Variants in SLX4IP observed in about 807,000 individuals in gnomAD.
SLX4IP encodes the protein protein SLX4IP.
A neutral mutation model predicts 32.9 loss-of-function variants in SLX4IP; 34 were observed. The ratio of observed to expected loss-of-function variants is 1.03; its 90% CI spans 0.79 to 1.38. The LOEUF is 1.38. Ranked by LOEUF, SLX4IP falls within the 40% of genes most tolerant of loss-of-function variation. The probability of loss-of-function intolerance (pLI) is 0.00; values close to 1 mark genes in which losing one functional copy is unlikely to be tolerated. For synonymous variants in SLX4IP, 172 were observed against 171.7 expected (o/e 1.00, Z -0.01); for missense variants, 444 against 479.0 (o/e 0.93, Z 0.68).
intron 2 of SLX4IP, among the ~76,000 whole-genome samples, chr20:10,523,386 A>T (rs551670883): frequency 1.3e-5 from 2 of 152,320 alleles, no homozygotes; most frequent in South Asian, 4.1e-4. Context: ...TTTTCATGAT[A>T]ATTATTAAAT....
Position 10,591,835 on chromosome 20 carries a change from A to T in SLX4IP, c.239-6840A>T, listed in dbSNP as rs576764710. On this transcript the variant is annotated intron_variant, in intron 4 of 7. Transcript: ENST00000334534. ...CATGGGGAAGAAATCTGAAGTGATC[A>T]TTTCTCAATTTGTTTTATTCTAATT... Among the ~76,000 whole-genome samples, 4 of 152,300 alleles carry T rather than the reference A, an allele frequency of 2.6e-5. No homozygotes were observed. The East Asian group carries it at 7.7e-4, about 29-fold the overall frequency.
chr20:10,558,723 A>G (rs2066297693), intron 3 of SLX4IP, among the ~76,000 whole-genome samples: 1 of 152,222 alleles, frequency 6.6e-6, no homozygotes, highest in African/African-American at 2.4e-5. Context: ...CCGTTAGCCT[A>G]GAGATGCCCT....
At chr20:10,481,935 AC>A in intron 2 of SLX4IP, among the ~76,000 whole-genome samples, 1 of 152,324 alleles carries the variant, frequency 6.6e-6, no homozygotes. Context: ...AAGGCAACTC[AC>A]AACATGCGGC....
chr20:10,523,970 T>C (rs767891080), intron 2 of SLX4IP, among the ~76,000 whole-genome samples: 13 of 152,244 alleles, frequency 8.5e-5, no homozygotes, highest in Non-Finnish European at 1.9e-4. Context: ...GGCCATTTTG[T>C]TGTTGTTCCT....
intron 2 of SLX4IP, among the ~76,000 whole-genome samples, chr20:10,505,716 G>A (rs978305702): frequency 6.6e-6 from 1 of 152,060 alleles, no homozygotes; most frequent in Non-Finnish European, 1.5e-5. Flanking sequence ...GACCTTGTGA[G>A]CTATTTCTGT....
intron 2 of SLX4IP, among the ~76,000 whole-genome samples, chr20:10,547,723 G>T (rs2066176643): frequency 6.6e-6 from 1 of 152,192 alleles, no homozygotes; most frequent in Non-Finnish European, 1.5e-5. Context: ...TGCGTTCAGG[G>T]TGCAGGTGAG....
chr20:10,481,269 G>T (rs2122381118), intron 2 of SLX4IP, among the ~76,000 whole-genome samples: 1 of 152,242 alleles, frequency 6.6e-6, no homozygotes, highest in East Asian at 1.9e-4. Context: ...CTATTGAAAA[G>T]ATGGCTGCAC....
chr20:10,568,564 G>A (rs561581078), intron 4 of SLX4IP, among the ~76,000 whole-genome samples: 9 of 152,302 alleles, frequency 5.9e-5, no homozygotes, highest in South Asian at 4.1e-4. Context: ...TTACCAAAGA[G>A]GAAAGTGAGA....
At chr20:10,576,726 T>TTG (rs761122067) in intron 4 of SLX4IP, among the ~76,000 whole-genome samples, 10 of 152,094 alleles carry the variant, frequency 6.6e-5, no homozygotes, top group Non-Finnish European at 1.2e-4. Flanking sequence ...ATTTGTGTGT[T>TTG]TGTGTGTGTG....
chr20:10,581,025 CTT>C (rs77562993), intron 4 of SLX4IP, among the ~76,000 whole-genome samples: 1 of 151,442 alleles, frequency 6.6e-6, no homozygotes, highest in Non-Finnish European at 1.5e-5. Flanking sequence ...TCTAAGGAAT[CTT>C]TTTTTTTCTT....
intron 2 of SLX4IP, among the ~76,000 whole-genome samples, chr20:10,555,334 T>C: frequency 6.6e-6 from 1 of 152,196 alleles, no homozygotes; most frequent in East Asian, 1.9e-4. Flanking sequence ...TTGTTCACAG[T>C]TATCTTGTGA....
chr20:10,613,652 C>A (rs2066993609), intron 6 of SLX4IP: 4 of 1,614,058 alleles, frequency 2.5e-6, no homozygotes, highest in Non-Finnish European at 3.4e-6. Context: ...CCCTCCTTTT[C>A]TTTGCATTCA....
chr20:10,590,366 A>T (rs1489998157), intron 4 of SLX4IP, among the ~76,000 whole-genome samples: 1 of 150,972 alleles, frequency 6.6e-6, no homozygotes, highest in African/African-American at 2.4e-5. Context: ...TTATTTTTTT[A>T]ATTTTATTTT....
intron 2 of SLX4IP, among the ~76,000 whole-genome samples, chr20:10,480,010 C>T (rs1898681777): frequency 6.6e-6 from 1 of 152,010 alleles, no homozygotes; most frequent in Non-Finnish European, 1.5e-5. Flanking sequence ...CTAGAACAAA[C>T]AAACAAACAA....
chr20:10,518,478 CT>C (rs373866487), intron 2 of SLX4IP, among the ~76,000 whole-genome samples: 17,649 of 73,358 alleles, frequency 0.24, 2,880 homozygotes, highest in South Asian at 0.45. Flanking sequence ...CTTTCTTTTC[CT>C]TTCCTTTCCT....
intron 6 of SLX4IP, 90 bp from the exon 7 acceptor site, chr20:10,621,224 T>C: frequency 8.8e-7 from 1 of 1,135,314 alleles, no homozygotes; most frequent in Non-Finnish European, 1.3e-6. Context: ...CAAAAATAAA[T>C]GTGTTCATTG....
At chr20:10,468,716 C>T (rs1258253675) in intron 2 of SLX4IP, among the ~76,000 whole-genome samples, 1 of 152,198 alleles carries the variant, frequency 6.6e-6, no homozygotes, top group East Asian at 1.9e-4. Context: ...ACATCTAAAC[C>T]TTTCCCATAT....
At chr20:10,600,176 C>T (rs552519700) in intron 5 of SLX4IP, among the ~76,000 whole-genome samples, 4 of 152,112 alleles carry the variant, frequency 2.6e-5, no homozygotes, top group African/African-American at 7.2e-5. Flanking sequence ...ATATTAATTG[C>T]TTTGCTAATT....
At chr20:10,557,974 G>A (rs945172988) in intron 3 of SLX4IP, among the ~76,000 whole-genome samples, 1 of 152,182 alleles carries the variant, frequency 6.6e-6, no homozygotes, top group East Asian at 1.9e-4. Flanking sequence ...GGGGCAGGTC[G>A]CTGTAGCAGG....
Sources: gnomAD v4.1 joint callset for allele counts (sites outside exome capture counted in the v4.1 genomes callset) on GRCh38, gnomAD v4.1.1 for gene constraint, MANE v1.5 for transcripts, NCBI Gene and HGNC (gene_info 2026-07-23, HGNC 2026-07-21) for gene names.